The following ABCA10 variants were observed in gnomAD, a reference collection of about 807,000 sequenced individuals.
ABCA10 encodes ATP binding cassette subfamily A member 10.
A neutral mutation model predicts 187.5 loss-of-function variants in ABCA10; 169 were observed. That is an observed-to-expected ratio of 0.90 (90% CI 0.80 to 1.02). The LOEUF is 1.02. ABCA10 is among the 50% of genes least tolerant of loss of function. The pLI is 0.00. For missense variants in ABCA10, 1,727 were observed against 1,812.4 expected (o/e 0.95, Z 0.86); for synonymous variants, 574 against 601.8 (o/e 0.95, Z 0.68).
intron 9 of ABCA10, among the ~76,000 whole-genome samples, 182 bp from the exon 10 acceptor site, chr17:69,201,850 T>C (rs2074548781): frequency 6.6e-6 from 1 of 152,198 alleles, no homozygotes; most frequent in Admixed American, 6.5e-5. Context: ...AATGGCACGA[T>C]CCTGGCTCAC....
At chr17:69,178,224 G>A (rs2074352167) in intron 22 of ABCA10, among the ~76,000 whole-genome samples, 1 of 151,506 alleles carries the variant, frequency 6.6e-6, no homozygotes, top group South Asian at 2.1e-4. Flanking sequence ...GAAACAAAAA[G>A]GGCATAATTT....
intron 10 of ABCA10, among the ~76,000 whole-genome samples, chr17:69,198,834 T>C (rs1248238589): frequency 6.6e-6 from 1 of 152,192 alleles, no homozygotes; most frequent in African/African-American, 2.4e-5. Context: ...AAATCCATTC[T>C]TCATAAAGCT....
Position 69,153,836 on chromosome 17 carries a change from A to C in ABCA10, c.3960T>G (p.Ile1320Met). Residue 1320 changes from isoleucine (I) to methionine (M), a missense_variant, in exon 32 of 39, where the codon ATT becomes ATG. Physicochemically the swap from Ile to Met is conservative, Grantham distance 10 (BLOSUM62 1). Transcript: ENST00000690296. ...TGTGAGACTTCTCTCTGTACCGTGA[A>C]ATACTGAGAGCAGCATCTTCTTTGC... ...GLGKEDAALSISRLVEALKLQ... is the reference protein window; with the variant it reads ...GLGKEDAALSMSRLVEALKLQ... The C allele has an allele frequency of 1.2e-6, 2 of 1,612,588 alleles. No individual in the cohort carries two copies. Among genetic ancestry groups the C allele is most frequent in the Non-Finnish European group, 1.7e-6 (2 of 1,179,382 alleles).
intron 16 of ABCA10, 60 bp downstream of exon 16, chr17:69,192,503 C>G: frequency 2.1e-6 from 3 of 1,431,840 alleles, no homozygotes; most frequent in Non-Finnish European, 2.9e-6. Flanking sequence ...AAGGCTTCTA[C>G]AAAATGTCAC....
In ABCA10 at chr17:69,153,397, C is replaced by T. The variant is rs753276170; in HGVS notation, c.4044G>A (p.Leu1348=). ...TCCCCAGGATGCTCAGCACAAAGCA[C>T]AGCTGCAATGCAAGGAACAGCCCGT... ...KTLSEGIKRK[L]CFVLSILGNP... The change falls in exon 34 of 39, where the codon CTG becomes CTA. Residue 1348 remains leucine, a splice_region_variant and synonymous_variant. Coordinates refer to ENST00000690296, the MANE Select transcript of ABCA10 (RefSeq NM_001377321.1). 5.6e-6 allele frequency: 9 copies of T among 1,613,530 alleles called. No homozygotes were observed. The highest frequency in any genetic ancestry group is 1.7e-5 in the Admixed American group (1 of 59,936).
chr17:69,193,737 G>A (rs1389770457), intron 13 of ABCA10, 77 bp downstream of exon 13: 5 of 1,569,534 alleles, frequency 3.2e-6, no homozygotes, highest in Non-Finnish European at 2.6e-6. Context: ...AAAGAGTAGA[G>A]TAATAGCTGA....
intron 27 of ABCA10, among the ~76,000 whole-genome samples, chr17:69,160,763 G>C (rs1344419920): frequency 6.6e-6 from 1 of 152,158 alleles, no homozygotes; most frequent in African/African-American, 2.4e-5. Context: ...AAAAAAATAA[G>C]TGTTGGTAAG....
At chr17:69,177,826 C>T (rs2074344915) in intron 22 of ABCA10, among the ~76,000 whole-genome samples, 1 of 150,338 alleles carries the variant, frequency 6.7e-6, no homozygotes, top group Non-Finnish European at 1.5e-5. Context: ...TATGGTGGTG[C>T]ATGCCTGTAA....
At chr17:69,165,769 G>A (rs1048282582) in intron 25 of ABCA10, among the ~76,000 whole-genome samples, 1 of 151,638 alleles carries the variant, frequency 6.6e-6, no homozygotes. Flanking sequence ...AGAAATTTGG[G>A]GGAAGATTTG....
At chr17:69,227,648 A>C (rs2074804683) in intron 1 of ABCA10, among the ~76,000 whole-genome samples, 1 of 151,970 alleles carries the variant, frequency 6.6e-6, no homozygotes, top group Admixed American at 6.6e-5. Flanking sequence ...TTACTTGTTA[A>C]GAAAAAGAAG....
chr17:69,167,508 TAA>T (rs1308191786), intron 25 of ABCA10, among the ~76,000 whole-genome samples: 4 of 151,938 alleles, frequency 2.6e-5, no homozygotes, highest in Non-Finnish European at 5.9e-5. Context: ...AACACAGAAA[TAA>T]AAAAGAGATT....
intron 3 of ABCA10, chr17:69,223,654 T>C (rs1007567361): frequency 2.2e-5 from 10 of 448,858 alleles, no homozygotes; most frequent in African/African-American, 1.8e-4. Flanking sequence ...TCCTTCCCAA[T>C]ATAGAGTCAG....
chr17:69,166,468 C>A (rs1339025561), intron 25 of ABCA10, among the ~76,000 whole-genome samples: 1 of 152,148 alleles, frequency 6.6e-6, no homozygotes, highest in Non-Finnish European at 1.5e-5. Flanking sequence ...GATATTTATG[C>A]ATCTGTCACT....
chr17:69,202,704 G>T (rs559350261), intron 9 of ABCA10, among the ~76,000 whole-genome samples: 21 of 152,170 alleles, frequency 1.4e-4, no homozygotes, highest in Admixed American at 1.3e-3. Flanking sequence ...TTTATCAAGA[G>T]ATAGTTCATT....
At position 69,216,242 on chromosome 17, in the gene ABCA10, A is replaced by G. The variant is rs2074703456; in HGVS notation, c.647T>C (p.Leu216Pro). 6.2e-7 allele frequency: 1 copy of G among 1,613,470 alleles called. No individual in the cohort carries two copies. The highest frequency in any genetic ancestry group is 8.5e-7 in the Non-Finnish European group (1 of 1,179,732). The change falls in exon 7 of 39, where the codon CTC becomes CCC. Residue 216 changes from leucine to proline, a missense_variant. Coordinates refer to ENST00000690296, the MANE Select transcript of ABCA10 (RefSeq NM_001377321.1). ...CAAAGAAAGGCCATATAAGCTATAGAGTGTGAATATCACCATGAAGCCAGT... is the reference window on the plus strand; with the variant it reads ...CAAAGAAAGGCCATATAAGCTATAGGGTGTGAATATCACCATGAAGCCAGT... ...FHTGFMVIFT[L>P]YSLYGLSLIA...
At chr17:69,221,684 C>CA (rs2074748787) in intron 5 of ABCA10, 108 bp downstream of exon 5, 1 of 974,690 alleles carries the variant, frequency 1.0e-6, no homozygotes, top group African/African-American at 1.7e-5. Flanking sequence ...GGATGACAGG[C>CA]AAAGTATCAC....
chr17:69,197,297 C>A (rs1401357196), intron 10 of ABCA10, among the ~76,000 whole-genome samples, 175 bp from the exon 11 acceptor site: 1 of 151,788 alleles, frequency 6.6e-6, no homozygotes, highest in African/African-American at 2.4e-5. Context: ...TTTACACAGA[C>A]CTGCTAATAC....
Position 69,214,798 on chromosome 17 carries a change from C to T in ABCA10, c.912G>A (p.Gly304=), listed in dbSNP as rs2144838126. 6.6e-7 allele frequency: 1 copy of T among 1,505,584 alleles called. No individual in the cohort carries two copies. Among genetic ancestry groups the T allele is most frequent in the Non-Finnish European group, 8.8e-7 (1 of 1,132,778 alleles). The allele number at this position is 1,505,584 out of a possible 1,614,324, so 93.3% of individuals were successfully genotyped here. The change falls in exon 9 of 39, where the codon GGG becomes GGA. Residue 304 remains glycine (G), a synonymous_variant. Transcript: ENST00000690296. The part of the protein sequence containing the change: ...LSGVIFPDPS[G]DSYKMIATFF... The stretch of plus-strand genomic sequence containing the variant: ...AAGTGGCTATCATTTTGTATGAATC[C>T]CCAGAGGGATCAGGAAAAATAACAC...
At chr17:69,176,855 C>A (rs1327374907) in intron 22 of ABCA10, among the ~76,000 whole-genome samples, 3 of 152,120 alleles carry the variant, frequency 2.0e-5, no homozygotes, top group Non-Finnish European at 4.4e-5. Context: ...CCGCAGAAAG[C>A]AAAATCATAG....
Sources: gnomAD v4.1 joint callset for allele counts (sites outside exome capture counted in the v4.1 genomes callset) on GRCh38, gnomAD v4.1.1 for gene constraint, MANE v1.5 for transcripts, NCBI Gene and HGNC (gene_info 2026-07-23, HGNC 2026-07-21) for gene names.